The following LRRC75A variants were observed in gnomAD, a reference collection of about 807,000 sequenced individuals.
The protein encoded by LRRC75A is leucine-rich repeat-containing protein 75A.
Under a neutral mutation model 26.0 loss-of-function variants are expected in LRRC75A, and 12 were observed. That is an observed-to-expected ratio of 0.46 (90% CI 0.30 to 0.75). The LOEUF (loss-of-function observed/expected upper bound fraction) is 0.75. LRRC75A is among the 30% of genes least tolerant of loss of function. The probability of loss-of-function intolerance (pLI) is 0.08; values close to 1 mark genes in which losing one functional copy is unlikely to be tolerated. For synonymous variants in LRRC75A, 223 were observed against 219.3 expected, an observed-to-expected ratio of 1.02 and a Z score of -0.15; for missense variants, 410 against 486.6, an observed-to-expected ratio of 0.84 and a Z score of 1.48.
At chr17:16,488,296 C>T (rs903039288) in intron 1 of LRRC75A, among the ~76,000 whole-genome samples, 5 of 152,244 alleles carry the variant, frequency 3.3e-5, no homozygotes, top group African/African-American at 1.2e-4. Context: ...GTTTTATCTC[C>T]ACGAGCATTC....
chr17:16,463,722 T>G (rs2093745744), intron 1 of LRRC75A: 1 of 152,230 alleles, frequency 6.6e-6, no homozygotes, highest in African/African-American at 2.4e-5. Flanking sequence ...TTCTTAGAAA[T>G]CCCTGGAAGG....
In LRRC75A at chr17:16,491,450, C is replaced by T. The variant is rs953606308; in HGVS notation, c.246+295G>A. Among the ~76,000 whole-genome samples, 2 of 152,232 alleles carry T rather than the reference C, an allele frequency of 1.3e-5. No homozygotes were observed. Among genetic ancestry groups the T allele is most frequent in the African/African-American group, 4.8e-5 (2 of 41,482 alleles). ...CCCTGCTTCCCCGCCCACCGACTGT[C>T]CCCGGAGACCAGCCTCCTTCTCTGC... is the stretch of plus-strand genomic sequence containing the variant. On this transcript the variant is annotated intron_variant, in intron 1 of 3. Transcript: ENST00000470794. This position sits in a 1 kb window ranked among gnomAD's most constrained non-coding sequence, Gnocchi z 5.9.
chr17:16,476,357 G>C (rs2093819579), intron 1 of LRRC75A, among the ~76,000 whole-genome samples: 1 of 151,648 alleles, frequency 6.6e-6, no homozygotes, highest in African/African-American at 2.4e-5. Flanking sequence ...GATGGAGTGA[G>C]ACTCTGTCTC....
chr17:16,482,646 C>T (rs2093837240), intron 1 of LRRC75A, among the ~76,000 whole-genome samples: 1 of 152,230 alleles, frequency 6.6e-6, no homozygotes, highest in Non-Finnish European at 1.5e-5. Flanking sequence ...CAGTGTGTGC[C>T]GTGCCCTGCA....
chr17:16,489,468 C>T (rs1207839209), intron 1 of LRRC75A, among the ~76,000 whole-genome samples: 1 of 152,210 alleles, frequency 6.6e-6, no homozygotes, highest in Non-Finnish European at 1.5e-5. Context: ...TCTCAAGGCT[C>T]TCACTAGCTG....
At position 16,462,224 on chromosome 17, in the gene LRRC75A, G is replaced by A. The variant is rs182756968; in HGVS notation, c.375+34C>T. ...CAGAAAGGCACCCACCGCACACCCC[G>A]GGACCTGGCTGGCTCGGACCACAGC... On this transcript the variant is annotated intron_variant, in intron 2 of 3. Coordinates refer to ENST00000470794, the MANE Select transcript of LRRC75A (RefSeq NM_001113567.3). This position sits in a 1 kb window ranked among gnomAD's most constrained non-coding sequence, Gnocchi z 4.6. 1,564 of 1,613,000 alleles carry A rather than the reference G, an allele frequency of 9.7e-4. 20 individuals carry two copies. The African/African-American group carries it at 0.018, about 18-fold the overall frequency.
intron 1 of LRRC75A, chr17:16,463,207 G>C (rs1237864655): frequency 1.3e-5 from 2 of 152,160 alleles, no homozygotes; most frequent in African/African-American, 4.8e-5. Context: ...AGTAGGTCAT[G>C]AGACCCCTGA....
intron 2 of LRRC75A, chr17:16,448,307 G>T: frequency 3.0e-6 from 1 of 333,914 alleles, no homozygotes; most frequent in Non-Finnish European, 5.9e-6. Flanking sequence ...GGGCCGCTCT[G>T]TGCATTCTCT....
intron 1 of LRRC75A, among the ~76,000 whole-genome samples, chr17:16,481,170 T>A (rs2093833102): frequency 6.6e-6 from 1 of 152,176 alleles, no homozygotes; most frequent in Non-Finnish European, 1.5e-5. Flanking sequence ...TGTCCTCTGA[T>A]GGCAGCGAGC....
chr17:16,453,570 G>A (rs936273257), intron 2 of LRRC75A, among the ~76,000 whole-genome samples: 2 of 152,132 alleles, frequency 1.3e-5, no homozygotes, highest in Non-Finnish European at 2.9e-5. Context: ...GTTCTCTCAG[G>A]AGTGAGAGTT....
At chr17:16,446,272 A>AG (rs2093584730) in intron 3 of LRRC75A, among the ~76,000 whole-genome samples, 1 of 152,208 alleles carries the variant, frequency 6.6e-6, no homozygotes, top group South Asian at 2.1e-4. Context: ...CCTAGACACT[A>AG]GGGTCACAGT....
Position 16,463,520 on chromosome 17 carries a change from C to T in LRRC75A, c.247-1134G>A, listed in dbSNP as rs528284483. ...GGAGGCAAAGCAGGCCCACCCACTG[C>T]AGGCTGTCCTCATTCTGGGGGCTCC... On this transcript the variant is annotated intron_variant, in intron 1 of 3. Coordinates refer to ENST00000470794, the MANE Select transcript of LRRC75A (RefSeq NM_001113567.3). Among the ~76,000 whole-genome samples, 100 of 152,310 alleles carry T rather than the reference C, an allele frequency of 6.6e-4. 1 individual carries two copies. The highest frequency in any genetic ancestry group is 6.8e-3 in the Middle Eastern group (2 of 294).
At chr17:16,486,797 C>T (rs1055207242) in intron 1 of LRRC75A, among the ~76,000 whole-genome samples, 4 of 152,322 alleles carry the variant, frequency 2.6e-5, no homozygotes, top group African/African-American at 7.2e-5. Flanking sequence ...TCCAACCACA[C>T]GGAAAGCAAA....
chr17:16,456,245 AGAAG>A (rs1222010342), intron 2 of LRRC75A, among the ~76,000 whole-genome samples: 2 of 139,448 alleles, frequency 1.4e-5, no homozygotes, highest in East Asian at 2.3e-4. Context: ...AAGGAGGAGA[AGAAG>A]GAAGAGGATC....
At position 16,462,114 on chromosome 17, in the gene LRRC75A, A is replaced by G. The variant is rs920801821; in HGVS notation, c.375+144T>C. The G allele has an allele frequency of 9.9e-7, 1 of 1,012,916 alleles. No individual in the cohort carries two copies. 62.7% of individuals were successfully genotyped at this position (1,012,916 alleles called of 1,614,324 possible). ...TGTGCTAGTGGCACCAAGGGAGAGC[A>G]CCTCAAGCTCTTGGTGCCTGGAGGA... On this transcript the variant is annotated intron_variant, in intron 2 of 3. Coordinates refer to ENST00000470794, the MANE Select transcript of LRRC75A (RefSeq NM_001113567.3). This position sits in a 1 kb window ranked among gnomAD's most constrained non-coding sequence, Gnocchi z 4.6.
chr17:16,446,444 AAG>A (rs1169390598), intron 3 of LRRC75A, among the ~76,000 whole-genome samples: 2 of 152,168 alleles, frequency 1.3e-5, no homozygotes, highest in Non-Finnish European at 2.9e-5. Flanking sequence ...GGGCCATCAA[AAG>A]AGTTTGGTGA....
At chr17:16,489,381 TG>T (rs2093852907) in intron 1 of LRRC75A, among the ~76,000 whole-genome samples, 2 of 152,160 alleles carry the variant, frequency 1.3e-5, no homozygotes, top group African/African-American at 4.8e-5. Flanking sequence ...CCCCACGCTT[TG>T]CAGACCCCTG....
At chr17:16,482,573 T>C (rs1264562103) in intron 1 of LRRC75A, among the ~76,000 whole-genome samples, 2 of 152,124 alleles carry the variant, frequency 1.3e-5, no homozygotes, top group African/African-American at 4.8e-5. Flanking sequence ...TTCCCACAGG[T>C]CCTGGGCCTA....
intron 1 of LRRC75A, among the ~76,000 whole-genome samples, chr17:16,484,993 T>C (rs371357947): frequency 5.2e-4 from 77 of 146,726 alleles, no homozygotes; most frequent in African/African-American, 1.7e-3. Flanking sequence ...TGGGAAATGC[T>C]CCTGGAGAGC....
Sources: gnomAD v4.1 joint callset for allele counts (sites outside exome capture counted in the v4.1 genomes callset) on GRCh38, gnomAD v4.1.1 for gene constraint, Gnocchi (gnomAD v3.1) non-coding constraint, MANE v1.5 for transcripts, NCBI Gene and HGNC (gene_info 2026-07-23, HGNC 2026-07-21) for gene names.